Variants in TDRP observed in about 807,000 individuals in gnomAD.
TDRP encodes the protein testis development related protein.
In TDRP, 12 loss-of-function variants were observed where a neutral mutation model predicts 10.5. That is an observed-to-expected ratio of 1.15 (90% CI 0.73 to 1.86). TDRP has a LOEUF of 1.86. TDRP is among the 40% of genes most tolerant of loss of function. TDRP has a pLI of 0.00. For synonymous variants in TDRP, 139 were observed against 95.4 expected, an observed-to-expected ratio of 1.46 and a Z score of -2.67; for missense variants, 353 against 229.2, an observed-to-expected ratio of 1.54 and a Z score of -3.49.
At chr8:517,385 C>G (rs1032374134) in intron 1 of TDRP, among the ~76,000 whole-genome samples, 3 of 152,180 alleles carry the variant, frequency 2.0e-5, no homozygotes, top group Non-Finnish European at 1.5e-5. Context: ...AGAGATTAAA[C>G]GAAGCATCTG....
chr8:519,224 T>C (rs1028146849), intron 1 of TDRP, among the ~76,000 whole-genome samples: 12 of 152,130 alleles, frequency 7.9e-5, no homozygotes, highest in African/African-American at 1.2e-4. Context: ...AGAGCATGCA[T>C]GTTGAGAGGG....
At position 521,176 on chromosome 8, in the gene TDRP, G is replaced by A. The variant is rs559673225; in HGVS notation, c.108+23474C>T. Among the ~76,000 whole-genome samples, 16 of 150,540 alleles carry A rather than the reference G, an allele frequency of 1.1e-4. No homozygotes were observed. In the East Asian group the frequency reaches 2.2e-3, roughly 20 times the overall value. ...CCAGCACTTTGGGAGGCCGAGGCAGGCGGATCATGAGGTCAGGAGATAGAG... is the reference window on the plus strand; with the variant it reads ...CCAGCACTTTGGGAGGCCGAGGCAGACGGATCATGAGGTCAGGAGATAGAG... On this transcript the variant is annotated intron_variant, in intron 1 of 2. Coordinates refer to ENST00000324079, the MANE Select transcript of TDRP (RefSeq NM_001384899.1).
rs1800922805 is a variant in TDRP at position 490,013 on chromosome 8, C to T, written c.*2386G>A. The T allele has an allele frequency of 6.6e-6, 1 of 152,178 alleles. No homozygotes were observed. The highest frequency in any genetic ancestry group is 2.1e-4 in the South Asian group (1 of 4,826). 9.4% of individuals were successfully genotyped at this position (152,178 alleles called of 1,614,324 possible). A position where few individuals can be genotyped will look rare whatever the true frequency, so the allele number is the denominator to read the frequency against. On this transcript the variant is annotated 3_prime_UTR_variant, in exon 3 of 3. Transcript: ENST00000324079. ...TAAGGAGGAACCCTTCTCTGAAGCA[C>T]ATCACTTTCCTATTAAAAAATAAAA... is the stretch of plus-strand genomic sequence containing the variant.
intron 1 of TDRP, among the ~76,000 whole-genome samples, chr8:540,710 T>A (rs897105790): frequency 2.6e-5 from 4 of 151,810 alleles, no homozygotes. Flanking sequence ...ATGTTAAAAT[T>A]ATTTTAGTAA....
chr8:529,075 A>G (rs1259383400), intron 1 of TDRP, among the ~76,000 whole-genome samples: 2 of 152,162 alleles, frequency 1.3e-5, no homozygotes, highest in Non-Finnish European at 2.9e-5. Flanking sequence ...TGTCTGCTTT[A>G]TATCCTGGCT....
chr8:544,791 C>A lies in TDRP; in HGVS notation c.-34G>T. On this transcript the variant is annotated 5_prime_UTR_variant, in exon 1 of 3. Coordinates refer to ENST00000324079, the MANE Select transcript of TDRP (RefSeq NM_001384899.1). ...GGGCTCCGGCGTCCCTCCGTCCGTGCGTCGGGCTGTGGCTCCGCGTCCCTC... is the reference window on the plus strand; with the variant it reads ...GGGCTCCGGCGTCCCTCCGTCCGTGAGTCGGGCTGTGGCTCCGCGTCCCTC... 1 of 1,220,476 alleles carries A rather than the reference C, an allele frequency of 8.2e-7. No homozygotes were observed. Among genetic ancestry groups the A allele is most frequent in the Non-Finnish European group, 1.0e-6 (1 of 977,160 alleles). 75.6% of individuals were successfully genotyped at this position (1,220,476 alleles called of 1,614,324 possible). A position where few individuals can be genotyped will look rare whatever the true frequency, so the allele number is the denominator to read the frequency against.
chr8:507,479 G>A (rs1307932665), intron 1 of TDRP, among the ~76,000 whole-genome samples: 1 of 152,094 alleles, frequency 6.6e-6, no homozygotes, highest in Non-Finnish European at 1.5e-5. Flanking sequence ...TATGCCCCAG[G>A]ACATTTTTTA....
Position 544,634 on chromosome 8 carries a change from C to A in TDRP, c.108+16G>T. 1 of 1,235,720 alleles carries A rather than the reference C, an allele frequency of 8.1e-7. No homozygotes were observed. Among genetic ancestry groups the A allele is most frequent in the Non-Finnish European group, 1.0e-6 (1 of 989,470 alleles). The allele number at this position is 1,235,720 out of a possible 1,614,324, so 76.5% of individuals were successfully genotyped here. On this transcript the variant is annotated intron_variant, in intron 1 of 2. Transcript: ENST00000324079. ...CCCCCGGCCTACTAGCACTCCCCAC[C>A]TGCGCACCCCCTCACCTGCGCCTGG...
chr8:496,144 G>C (rs1442388537), intron 1 of TDRP, among the ~76,000 whole-genome samples: 1 of 151,880 alleles, frequency 6.6e-6, no homozygotes, highest in African/African-American at 2.4e-5. Flanking sequence ...AACCATCACA[G>C]CAAAAAACAC....
intron 1 of TDRP, among the ~76,000 whole-genome samples, chr8:536,853 T>C (rs936348715): frequency 2.6e-5 from 4 of 152,078 alleles, no homozygotes; most frequent in Non-Finnish European, 5.9e-5. Flanking sequence ...GGATCCTCCT[T>C]CCCTTCTATA....
intron 1 of TDRP, among the ~76,000 whole-genome samples, chr8:504,826 T>C (rs1185230427): frequency 6.6e-6 from 1 of 152,218 alleles, no homozygotes; most frequent in Non-Finnish European, 1.5e-5. Flanking sequence ...TCTCTGCTCA[T>C]TCACATTTCG....
rs1185928543 is a variant in TDRP, at chr8:491,919, T to G, written c.*480A>C. 4 of 1,146,428 alleles carry G rather than the reference T, an allele frequency of 3.5e-6. No homozygotes were observed. The highest frequency in any genetic ancestry group is 4.3e-6 in the Non-Finnish European group (4 of 934,664). 71.0% of individuals were successfully genotyped at this position (1,146,428 alleles called of 1,614,324 possible). ...TAAGAACAAAGTTTAATTTGTCAAG[T>G]TAAACAAAATTTAACATAACTTTGG... On this transcript the variant is annotated 3_prime_UTR_variant, in exon 3 of 3. Transcript: ENST00000324079.
chr8:533,297 G>A (rs1385356400), intron 1 of TDRP, among the ~76,000 whole-genome samples: 6 of 152,250 alleles, frequency 3.9e-5, no homozygotes, highest in South Asian at 2.1e-4. Context: ...AAGCCAGCAC[G>A]TCCATCGCAG....
chr8:520,272 T>C (rs1416662028), intron 1 of TDRP, among the ~76,000 whole-genome samples: 1 of 152,218 alleles, frequency 6.6e-6, no homozygotes, highest in African/African-American at 2.4e-5. Flanking sequence ...TATACTAGCA[T>C]ATTATCAGAT....
At chr8:493,253 G>A (rs1801029887) in intron 2 of TDRP, among the ~76,000 whole-genome samples, 1 of 152,220 alleles carries the variant, frequency 6.6e-6, no homozygotes, top group South Asian at 2.1e-4. Flanking sequence ...GACAGCTAGG[G>A]AAGAAAGATC....
At chr8:497,844 G>T (rs6980614) in intron 1 of TDRP, among the ~76,000 whole-genome samples, 2 of 152,060 alleles carry the variant, frequency 1.3e-5, no homozygotes, top group East Asian at 3.9e-4. Flanking sequence ...TGTCCCAGCC[G>T]CTCCACCTCC....
chr8:533,358 C>T (rs987220741), intron 1 of TDRP, among the ~76,000 whole-genome samples: 1 of 152,222 alleles, frequency 6.6e-6, no homozygotes, highest in African/African-American at 2.4e-5. Flanking sequence ...TTCCTTGCGA[C>T]TGTCAGGGCA....
Position 491,991 on chromosome 8 carries a change from C to A in TDRP, c.*408G>T. ...CTAATTTTCTAGCAAAAGAAAAGAA[C>A]TGCATGACAGCTGCATTTATACGTG... On this transcript the variant is annotated 3_prime_UTR_variant, in exon 3 of 3. Transcript: ENST00000324079. 1 of 1,117,438 alleles carries A rather than the reference C, an allele frequency of 8.9e-7. No individual in the cohort carries two copies. Among genetic ancestry groups the A allele is most frequent in the Non-Finnish European group, 1.1e-6 (1 of 916,512 alleles). The allele number at this position is 1,117,438 out of a possible 1,614,324, so 69.2% of individuals were successfully genotyped here. A position where few individuals can be genotyped will look rare whatever the true frequency, so the allele number is the denominator to read the frequency against.
rs1801000925 is a variant in TDRP at position 492,334 on chromosome 8, C to T, written c.*65G>A. 7.2e-7 allele frequency: 1 copy of T among 1,398,022 alleles called. No individual in the cohort carries two copies. Among genetic ancestry groups the T allele is most frequent in the African/African-American group, 1.5e-5 (1 of 68,808 alleles). 86.6% of individuals were successfully genotyped at this position (1,398,022 alleles called of 1,614,324 possible). ...TATTCTTTCTAACGCGGAAAAGACT[C>T]AACAACTACATGGTATACTCATAAA... On this transcript the variant is annotated 3_prime_UTR_variant, in exon 3 of 3. Coordinates refer to ENST00000324079, the MANE Select transcript of TDRP (RefSeq NM_001384899.1).
Sources: gnomAD v4.1 joint callset for allele counts (sites outside exome capture counted in the v4.1 genomes callset) on GRCh38, gnomAD v4.1.1 for gene constraint, MANE v1.5 for transcripts, NCBI Gene and HGNC (gene_info 2026-07-23, HGNC 2026-07-21) for gene names.